Variants in UBE2E2 observed in about 807,000 individuals in gnomAD.
UBE2E2 encodes the protein ubiquitin conjugating enzyme E2 E2, also known as ubiquitin-conjugating enzyme E2 E2.
UBE2E2 carries 6 observed loss-of-function variants against 24.7 expected under a neutral mutation model. That is an observed-to-expected ratio of 0.24 (90% CI 0.13 to 0.48). The LOEUF is 0.48. Among genes scored for constraint, UBE2E2 ranks in the 20% least tolerant of loss-of-function variants. The pLI, the probability that UBE2E2 is intolerant of heterozygous loss-of-function variation, is 0.99. For missense variants in UBE2E2, 169 were observed against 245.0 expected (o/e 0.69, Z 2.07); for synonymous variants, 104 against 83.6 (o/e 1.24, Z -1.33).
intron 2 of UBE2E2, among the ~76,000 whole-genome samples, chr3:23,212,184 A>G (rs1696345102): frequency 6.6e-6 from 1 of 152,092 alleles, no homozygotes; most frequent in African/African-American, 2.4e-5. Flanking sequence ...TACAGAAAAC[A>G]TTTAAGTGGG....
intron 3 of UBE2E2, among the ~76,000 whole-genome samples, chr3:23,309,818 G>A (rs1694311738): frequency 6.6e-6 from 1 of 152,118 alleles, no homozygotes; most frequent in Non-Finnish European, 1.5e-5. Context: ...TTGGCAGGAG[G>A]TCTCATTTCT....
chr3:23,430,554 G>A (rs1698037047), intron 3 of UBE2E2, among the ~76,000 whole-genome samples: 3 of 151,538 alleles, frequency 2.0e-5, no homozygotes, highest in Non-Finnish European at 2.9e-5. Flanking sequence ...TTTGAGACAG[G>A]GTCTCACTCT....
chr3:23,298,126 T>C (rs904992649), intron 3 of UBE2E2, among the ~76,000 whole-genome samples: 10 of 152,214 alleles, frequency 6.6e-5, no homozygotes, highest in Non-Finnish European at 1.3e-4. Context: ...GTGATTTTTG[T>C]ACATTGAATT....
chr3:23,409,248 A>C (rs1162895860), intron 3 of UBE2E2, among the ~76,000 whole-genome samples: 1 of 152,222 alleles, frequency 6.6e-6, no homozygotes, highest in African/African-American at 2.4e-5. Flanking sequence ...CAGAAAAAGC[A>C]GAGTGTTACA....
At chr3:23,254,693 T>TG (rs1009931144) in intron 3 of UBE2E2, among the ~76,000 whole-genome samples, 3 of 152,158 alleles carry the variant, frequency 2.0e-5, no homozygotes, top group African/African-American at 7.2e-5. Flanking sequence ...GGAAAGGGTT[T>TG]GGGGGTGTTT....
intron 2 of UBE2E2, among the ~76,000 whole-genome samples, chr3:23,214,114 A>G (rs983521440): frequency 2.0e-5 from 3 of 152,184 alleles, no homozygotes; most frequent in Non-Finnish European, 2.9e-5. Context: ...CAGTAGCTCA[A>G]AATATAATAT....
intron 3 of UBE2E2, chr3:23,449,977 C>T: frequency 1.0e-6 from 1 of 959,710 alleles, no homozygotes; most frequent in Non-Finnish European, 1.2e-6. Context: ...GGGCCCACTG[C>T]TACCCTGCCA....
chr3:23,554,985 C>T (rs181566319), intron 5 of UBE2E2, among the ~76,000 whole-genome samples: 4 of 151,412 alleles, frequency 2.6e-5, no homozygotes, highest in Non-Finnish European at 5.9e-5. Context: ...GATGTGATCT[C>T]TGCTCACTGC....
intron 2 of UBE2E2, among the ~76,000 whole-genome samples, chr3:23,212,343 A>G (rs561048343): frequency 3.9e-5 from 6 of 152,244 alleles, no homozygotes; most frequent in South Asian, 2.1e-4. Flanking sequence ...TGATATGTCT[A>G]TATCACTCTT....
chr3:23,294,726 T>C (rs1698864504), intron 3 of UBE2E2, among the ~76,000 whole-genome samples: 1 of 147,978 alleles, frequency 6.8e-6, no homozygotes, highest in African/African-American at 2.4e-5. Context: ...ATAAATAATA[T>C]ATTTTAAAGA....
chr3:23,482,461 A>G (rs1699277367), intron 3 of UBE2E2, among the ~76,000 whole-genome samples: 1 of 152,014 alleles, frequency 6.6e-6, no homozygotes, highest in Non-Finnish European at 1.5e-5. Flanking sequence ...GAGCCTTCAG[A>G]GCTCAATTAA....
intron 3 of UBE2E2, among the ~76,000 whole-genome samples, chr3:23,391,176 G>A (rs1220823514): frequency 6.6e-6 from 1 of 152,168 alleles, no homozygotes; most frequent in African/African-American, 2.4e-5. Flanking sequence ...CATACAGCCA[G>A]CCAGTAGCAT....
At chr3:23,468,928 C>CA (rs1460698849) in intron 3 of UBE2E2, among the ~76,000 whole-genome samples, 1 of 152,056 alleles carries the variant, frequency 6.6e-6, no homozygotes, top group East Asian at 1.9e-4. Flanking sequence ...ATTTATTTAT[C>CA]AAAAAAACTC....
intron 3 of UBE2E2, among the ~76,000 whole-genome samples, chr3:23,325,572 C>G (rs920209584): frequency 1.4e-4 from 22 of 152,182 alleles, no homozygotes; most frequent in African/African-American, 5.3e-4. Context: ...GTTTTAAAGT[C>G]TAAACCCATA....
At chr3:23,314,893 T>C (rs1450970390) in intron 3 of UBE2E2, among the ~76,000 whole-genome samples, 3 of 152,206 alleles carry the variant, frequency 2.0e-5, no homozygotes, top group Admixed American at 1.3e-4. Flanking sequence ...TCTTGAACTT[T>C]GGGAGTTTGA....
At chr3:23,551,441 G>A (rs1327152015) in intron 5 of UBE2E2, among the ~76,000 whole-genome samples, 1 of 152,106 alleles carries the variant, frequency 6.6e-6, no homozygotes, top group Admixed American at 6.5e-5. Flanking sequence ...ACTTATGTTG[G>A]CTCTATATTA....
intron 5 of UBE2E2, among the ~76,000 whole-genome samples, chr3:23,541,937 TCCTG>T (rs1435871491): frequency 3.3e-5 from 5 of 152,202 alleles, no homozygotes; most frequent in Non-Finnish European, 7.3e-5. Flanking sequence ...ACTGGCTGGC[TCCTG>T]TGATGGAAAA....
At chr3:23,320,585 C>T (rs888436531) in intron 3 of UBE2E2, among the ~76,000 whole-genome samples, 1 of 152,240 alleles carries the variant, frequency 6.6e-6, no homozygotes, top group South Asian at 2.1e-4. Flanking sequence ...AAAATAGAAT[C>T]GTCTTTTAGT....
chr3:23,298,105 T>C (rs563882262), intron 3 of UBE2E2, among the ~76,000 whole-genome samples: 1 of 152,302 alleles, frequency 6.6e-6, no homozygotes, highest in East Asian at 1.9e-4. Flanking sequence ...TATTGCTGTA[T>C]AAGAATGCTT....
Sources: gnomAD v4.1 joint callset for allele counts (sites outside exome capture counted in the v4.1 genomes callset) on GRCh38, gnomAD v4.1.1 for gene constraint, MANE v1.5 for transcripts, NCBI Gene and HGNC (gene_info 2026-07-23, HGNC 2026-07-21) for gene names.